The following SLC1A1 variants were observed in gnomAD, a reference collection of about 807,000 sequenced individuals.
The protein encoded by SLC1A1 is solute carrier family 1 member 1.
Under a neutral mutation model 53.3 loss-of-function variants are expected in SLC1A1, and 43 were observed. That is an observed-to-expected ratio of 0.81 (90% CI 0.63 to 1.04). The LOEUF is 1.04. Among genes scored for constraint, SLC1A1 ranks in the 50% least tolerant of loss-of-function variants. The pLI is 0.00. For missense variants in SLC1A1, 748 were observed against 664.9 expected, an observed-to-expected ratio of 1.12 and a Z score of -1.37; for synonymous variants, 307 against 243.2, an observed-to-expected ratio of 1.26 and a Z score of -2.44.
At chr9:4,565,599 G>A (rs909004853) in intron 4 of SLC1A1, among the ~76,000 whole-genome samples, 1 of 152,142 alleles carries the variant, frequency 6.6e-6, no homozygotes. Context: ...AGAATAGCAT[G>A]GGAGAAACCA....
intron 1 of SLC1A1, among the ~76,000 whole-genome samples, chr9:4,514,334 T>C (rs1201058916): frequency 6.6e-6 from 1 of 152,134 alleles, no homozygotes; most frequent in Non-Finnish European, 1.5e-5. Context: ...AAACCTTGAG[T>C]GGCCTGATGC....
chr9:4,545,189 G>GTCTCTCTCTCTC (rs6150901), intron 2 of SLC1A1, among the ~76,000 whole-genome samples: 4,789 of 130,870 alleles, frequency 0.037, 133 homozygotes, highest in African/African-American at 0.058. Context: ...TACATTAGAT[G>GTCTCTCTCTCTC]TCTCTCTCTC....
chr9:4,529,689 T>TG (rs202210612), intron 1 of SLC1A1, among the ~76,000 whole-genome samples: 3,338 of 151,806 alleles, frequency 0.022, 127 homozygotes, highest in African/African-American at 0.077. Flanking sequence ...AATGAAACTT[T>TG]TTTTGTGTGT....
chr9:4,512,781 T>C (rs1181219544), intron 1 of SLC1A1, among the ~76,000 whole-genome samples: 3 of 151,958 alleles, frequency 2.0e-5, no homozygotes, highest in Non-Finnish European at 2.9e-5. Flanking sequence ...TTTTTTTAAA[T>C]TGAGACAGGG....
At chr9:4,534,379 T>C (rs1189532572) in intron 1 of SLC1A1, among the ~76,000 whole-genome samples, 1 of 151,770 alleles carries the variant, frequency 6.6e-6, no homozygotes, top group African/African-American at 2.4e-5. Flanking sequence ...ATAAAGGGGA[T>C]ATCACCACTG....
intron 2 of SLC1A1, chr9:4,554,055 C>T (rs911532079): frequency 6.6e-6 from 1 of 152,206 alleles, no homozygotes; most frequent in Non-Finnish European, 1.5e-5. Flanking sequence ...TTTATTTAAT[C>T]CTCATAGCAG....
At chr9:4,524,596 T>C (rs1816194901) in intron 1 of SLC1A1, among the ~76,000 whole-genome samples, 1 of 152,190 alleles carries the variant, frequency 6.6e-6, no homozygotes, top group African/African-American at 2.4e-5. Flanking sequence ...AGGTCACAGC[T>C]CTGTAAGTTG....
chr9:4,582,344 G>A (rs528023978), intron 10 of SLC1A1, among the ~76,000 whole-genome samples: 2 of 152,296 alleles, frequency 1.3e-5, no homozygotes, highest in South Asian at 4.1e-4. Context: ...TGGCAAAAAG[G>A]AGCAGTCAGG....
intron 2 of SLC1A1, among the ~76,000 whole-genome samples, chr9:4,555,519 C>T (rs1241814797): frequency 6.6e-6 from 1 of 152,162 alleles, no homozygotes; most frequent in African/African-American, 2.4e-5. Context: ...GGCTGGGAGC[C>T]AACACCCTTG....
At chr9:4,559,893 G>A (rs1398430395) in intron 2 of SLC1A1, 5 of 152,154 alleles carry the variant, frequency 3.3e-5, no homozygotes, top group African/African-American at 7.2e-5. Flanking sequence ...ATTGGAGAAC[G>A]GCTTTTGACT....
intron 4 of SLC1A1, 22 bp from the exon 5 acceptor site, chr9:4,566,025 C>T (rs757170835): frequency 6.2e-7 from 1 of 1,601,650 alleles, no homozygotes; most frequent in Non-Finnish European, 8.6e-7. Context: ...TAACATAATA[C>T]TGCCTTTTAT....
chr9:4,549,183 G>A lies in SLC1A1; in HGVS notation c.232+4476G>A, dbSNP rs780457157. On this transcript the variant is annotated intron_variant, in intron 2 of 11. Transcript: ENST00000262352. The surrounding 1 kb of genome is among the most constrained non-coding windows in gnomAD (Gnocchi z 4.1). ...CAGAGGTCCCCTGAGCATCCTTCCC[G>A]GATGCTCATAACTTTGCTCAGGAAG... Among the ~76,000 whole-genome samples the A allele has an allele frequency of 5.3e-5, 8 of 152,052 alleles. No individual in the cohort carries two copies. The highest frequency in any genetic ancestry group is 1.2e-4 in the Non-Finnish European group (8 of 68,000).
Position 4,497,072 on chromosome 9 carries a change from G to T in SLC1A1, c.91+6302G>T, listed in dbSNP as rs140349317. ...AGGGAGGAGTTAAGGGTGAAGCATT[G>T]TATTCCTTTCCTGTGGCTGCCCTAA... On this transcript the variant is annotated intron_variant, in intron 1 of 11. Coordinates refer to ENST00000262352, the MANE Select transcript of SLC1A1 (RefSeq NM_004170.6). Among the ~76,000 whole-genome samples, 1,229 of 152,194 alleles carry T rather than the reference G, an allele frequency of 8.1e-3. 22 individuals are homozygous for T. The highest frequency in any genetic ancestry group is 0.027 in the African/African-American group (1,120 of 41,510).
chr9:4,491,445 G>T (rs935148561), intron 1 of SLC1A1, among the ~76,000 whole-genome samples: 2 of 152,218 alleles, frequency 1.3e-5, no homozygotes, highest in South Asian at 2.1e-4. Flanking sequence ...GAACTCAGCC[G>T]TCTCTTCTCC....
At chr9:4,551,262 AT>A (rs1307299973) in intron 2 of SLC1A1, among the ~76,000 whole-genome samples, 1 of 152,120 alleles carries the variant, frequency 6.6e-6, no homozygotes, top group Non-Finnish European at 1.5e-5. Context: ...GCAGCTGTGT[AT>A]CTGGAAACAA....
At chr9:4,568,689 T>C (rs1819725836) in intron 6 of SLC1A1, among the ~76,000 whole-genome samples, 1 of 148,280 alleles carries the variant, frequency 6.7e-6, no homozygotes, top group African/African-American at 2.6e-5. Context: ...AGCAAGACTC[T>C]TGTTTCAAAA....
intron 10 of SLC1A1, among the ~76,000 whole-genome samples, chr9:4,578,305 T>C (rs369838854): frequency 3.3e-5 from 5 of 152,336 alleles, no homozygotes; most frequent in East Asian, 3.9e-4. Context: ...TGTTTTCTCA[T>C]CTGTAAAATG....
chr9:4,538,849 T>C (rs1816779355), intron 1 of SLC1A1, among the ~76,000 whole-genome samples: 1 of 152,192 alleles, frequency 6.6e-6, no homozygotes, highest in Admixed American at 6.5e-5. Context: ...TCCGTCTATT[T>C]ATCCACTGAA....
At chr9:4,514,914 T>C (rs150181091) in intron 1 of SLC1A1, among the ~76,000 whole-genome samples, 184 of 152,168 alleles carry the variant, frequency 1.2e-3, no homozygotes, top group African/African-American at 4.2e-3. Context: ...TTACATTACA[T>C]TACTTTACAT....
Sources: allele counts gnomAD v4.1 joint callset (sites outside exome capture counted in the v4.1 genomes callset), GRCh38; gene constraint gnomAD v4.1.1; non-coding constraint Gnocchi (gnomAD v3.1); transcripts MANE v1.5; gene names NCBI Gene and HGNC (gene_info 2026-07-23, HGNC 2026-07-21).